The following GALNT14 variants were observed in gnomAD, a reference collection of about 807,000 sequenced individuals.
The protein encoded by GALNT14 is polypeptide N-acetylgalactosaminyltransferase 14.
Under a neutral mutation model 77.5 loss-of-function variants are expected in GALNT14, and 60 were observed. The ratio of observed to expected loss-of-function variants is 0.77; its 90% CI spans 0.63 to 0.96. GALNT14 has a LOEUF of 0.96. Ranked by LOEUF, GALNT14 falls within the 40% of genes least tolerant of loss-of-function variation. The probability of loss-of-function intolerance (pLI) is 0.00; values close to 1 mark genes in which losing one functional copy is unlikely to be tolerated. For synonymous variants in GALNT14, 280 were observed against 281.7 expected, an observed-to-expected ratio of 0.99 and a Z score of 0.06; for missense variants, 710 against 731.0, an observed-to-expected ratio of 0.97 and a Z score of 0.33.
chr2:31,109,723 G>C (rs775926171), intron 1 of GALNT14, among the ~76,000 whole-genome samples: 4 of 152,184 alleles, frequency 2.6e-5, no homozygotes, highest in Non-Finnish European at 4.4e-5. Flanking sequence ...TCAATAATGT[G>C]TTATGAGGTG....
At chr2:31,025,902 T>C (rs1469799069) in intron 1 of GALNT14, among the ~76,000 whole-genome samples, 1 of 152,212 alleles carries the variant, frequency 6.6e-6, no homozygotes, top group Non-Finnish European at 1.5e-5. Flanking sequence ...TTCTTTCTTT[T>C]TCAGGAAAGT....
chr2:30,947,337 T>C (rs1302947667), intron 6 of GALNT14, among the ~76,000 whole-genome samples: 1 of 152,228 alleles, frequency 6.6e-6, no homozygotes, highest in African/African-American at 2.4e-5. Context: ...GGCCTATCTC[T>C]AGCTTTCCAG....
At chr2:31,086,891 A>C (rs765061574) in intron 1 of GALNT14, among the ~76,000 whole-genome samples, 3 of 152,164 alleles carry the variant, frequency 2.0e-5, no homozygotes, top group Non-Finnish European at 4.4e-5. Flanking sequence ...AAGACTTACC[A>C]AGCACCTGCT....
chr2:30,985,526 T>A (rs1669243978), intron 2 of GALNT14, among the ~76,000 whole-genome samples: 1 of 152,136 alleles, frequency 6.6e-6, no homozygotes, highest in African/African-American at 2.4e-5. Flanking sequence ...GTTCCTCCCC[T>A]CTTACCCTGG....
chr2:31,067,500 G>A (rs954771250), intron 1 of GALNT14, among the ~76,000 whole-genome samples: 2 of 152,058 alleles, frequency 1.3e-5, no homozygotes, highest in South Asian at 4.2e-4. Context: ...CCGGCAGAGG[G>A]TGCACTCACT....
intron 1 of GALNT14, among the ~76,000 whole-genome samples, chr2:31,101,418 C>G (rs986584409): frequency 5.3e-5 from 8 of 151,958 alleles, no homozygotes; most frequent in African/African-American, 1.9e-4. Flanking sequence ...TTTTTCTATG[C>G]TCTAGAACAG....
chr2:30,895,271 G>A, the GALNT14 span, among the ~76,000 whole-genome samples: 2 of 152,144 alleles, frequency 1.3e-5, no homozygotes, highest in African/African-American at 4.8e-5. Flanking sequence ...CAGTAGGGGT[G>A]GGGGAACCGA....
rs200313372 is a variant in GALNT14, at chr2:30,966,224, C to G, written c.378G>C (p.Thr126=). 6.2e-7 allele frequency: 1 copy of G among 1,613,922 alleles called. No individual in the cohort carries two copies. The highest frequency in any genetic ancestry group is 1.6e-4 in the Middle Eastern group (1 of 6,062). Residue 126 remains threonine, a synonymous_variant, in exon 3 of 15, where the codon ACG becomes ACC. Coordinates refer to ENST00000349752, the MANE Select transcript of GALNT14 (RefSeq NM_024572.4). ...IITFHNEARS[T]LLRTIRSVLN... is the part of the protein sequence containing the mutation. The stretch of plus-strand genomic sequence containing the variant: ...CTCACCTGCGGATGGTCCTGAGCAG[C>G]GTGGAGCGGGCCTCGTTGTGGAAGG...
At chr2:30,902,516 C>T in the GALNT14 span, among the ~76,000 whole-genome samples, 1 of 152,094 alleles carries the variant, frequency 6.6e-6, no homozygotes, top group South Asian at 2.1e-4. Context: ...AGGGGGACAA[C>T]TAAGCCACAT....
At chr2:30,922,926 A>G (rs2148226907) in intron 13 of GALNT14, among the ~76,000 whole-genome samples, 2 of 152,364 alleles carry the variant, frequency 1.3e-5, no homozygotes, top group Middle Eastern at 6.8e-3. Flanking sequence ...CAAAGCTGGA[A>G]GCATGAAAAA....
At chr2:31,104,673 G>A (rs1677462695) in intron 1 of GALNT14, among the ~76,000 whole-genome samples, 2 of 152,164 alleles carry the variant, frequency 1.3e-5, no homozygotes, top group African/African-American at 2.4e-5. Flanking sequence ...TTGAAAGTCT[G>A]AAACAGTACA....
chr2:30,985,853 C>T (rs537996407), intron 2 of GALNT14, among the ~76,000 whole-genome samples: 3 of 152,290 alleles, frequency 2.0e-5, no homozygotes, highest in African/African-American at 7.2e-5. Context: ...GAATCACTAA[C>T]GCTGTGCTGA....
intron 1 of GALNT14, among the ~76,000 whole-genome samples, chr2:31,064,358 C>T (rs553994036): frequency 6.6e-6 from 1 of 152,304 alleles, no homozygotes; most frequent in South Asian, 2.1e-4. Context: ...AATATTAGAT[C>T]TAGAAACTGC....
intron 9 of GALNT14, among the ~76,000 whole-genome samples, chr2:30,934,179 G>A (rs976553482): frequency 2.6e-5 from 4 of 152,196 alleles, no homozygotes; most frequent in Non-Finnish European, 5.9e-5. Flanking sequence ...ATGAGTCATT[G>A]AGCAAGGAGT....
At chr2:30,947,315 C>A (rs1666757286) in intron 6 of GALNT14, among the ~76,000 whole-genome samples, 1 of 152,220 alleles carries the variant, frequency 6.6e-6, no homozygotes, top group African/African-American at 2.4e-5. Flanking sequence ...GCATCCCAGA[C>A]CATCAAGAAC....
At chr2:30,918,081 C>T (rs1465891049) in intron 13 of GALNT14, among the ~76,000 whole-genome samples, 1 of 152,242 alleles carries the variant, frequency 6.6e-6, no homozygotes, top group African/African-American at 2.4e-5. Flanking sequence ...TCTCCAGAGG[C>T]AGCAGGATGA....
intron 1 of GALNT14, among the ~76,000 whole-genome samples, chr2:31,049,437 TCAC>T (rs1335938705): frequency 1.3e-5 from 2 of 152,216 alleles, no homozygotes; most frequent in African/African-American, 4.8e-5. Context: ...AGCTCCCTGG[TCAC>T]CAGGGGACAC....
At chr2:31,108,601 A>G (rs1024779951) in intron 1 of GALNT14, among the ~76,000 whole-genome samples, 1 of 152,264 alleles carries the variant, frequency 6.6e-6, no homozygotes, top group African/African-American at 2.4e-5. Context: ...AGCATTGGGC[A>G]TTCGGTTTTT....
Position 30,955,933 on chromosome 2 carries a change from A to G in GALNT14, c.511T>C (p.Leu171=). 1 of 1,614,146 alleles carries G rather than the reference A, an allele frequency of 6.2e-7. No individual in the cohort carries two copies. Among genetic ancestry groups the G allele is most frequent in the Middle Eastern group, 1.7e-4 (1 of 5,986 alleles). ...QLIKLPKVKC[L]RNNERQGLVR... ...CTACCTTGCCGTTCATTATTGCGCA[A>G]GCATTTCACCTTGGGCAACTTGATG... Residue 171 remains leucine (L), a synonymous_variant, in exon 5 of 15, where the codon TTG becomes CTG. Transcript: ENST00000349752.
Sources: allele counts gnomAD v4.1 joint callset (sites outside exome capture counted in the v4.1 genomes callset), GRCh38; gene constraint gnomAD v4.1.1; transcripts MANE v1.5; gene names NCBI Gene and HGNC (gene_info 2026-07-23, HGNC 2026-07-21).